The following FAP variants were observed in gnomAD, a reference collection of about 807,000 sequenced individuals.
FAP encodes fibroblast activation protein alpha, also known as prolyl endopeptidase FAP.
Under a neutral mutation model 126.5 loss-of-function variants are expected in FAP, and 110 were observed. The observed-to-expected ratio is 0.87, with a 90% CI of 0.74 to 1.02. The LOEUF (loss-of-function observed/expected upper bound fraction) is 1.02, where lower values mean the gene tolerates loss of function less well. Ranked by LOEUF, FAP falls within the 50% of genes least tolerant of loss-of-function variation. The pLI is 0.00. For synonymous variants in FAP, 334 were observed against 297.3 expected (o/e 1.12, Z -1.27); for missense variants, 919 against 909.2 (o/e 1.01, Z -0.14).
chr2:162,215,397 C>A (rs1226657000), intron 10 of FAP, among the ~76,000 whole-genome samples: 1 of 152,214 alleles, frequency 6.6e-6, no homozygotes, highest in South Asian at 2.1e-4. Flanking sequence ...GGGCATCATG[C>A]TGGGGAAGTG....
At chr2:162,184,612 A>G (rs912514331) in intron 20 of FAP, among the ~76,000 whole-genome samples, 8 of 152,222 alleles carry the variant, frequency 5.3e-5, no homozygotes, top group Non-Finnish European at 5.9e-5. Context: ...GACACTGAGG[A>G]GTCTACAGAG....
chr2:162,181,943 T>C (rs1687707346), intron 21 of FAP, among the ~76,000 whole-genome samples: 1 of 152,212 alleles, frequency 6.6e-6, no homozygotes, highest in East Asian at 1.9e-4. Flanking sequence ...AGATGTTATA[T>C]CACGTGGCAG....
intron 19 of FAP, 120 bp from the exon 20 acceptor site, chr2:162,188,483 G>A (rs377496923): frequency 1.8e-5 from 16 of 877,330 alleles, no homozygotes; most frequent in South Asian, 5.4e-5. Flanking sequence ...TAACAATGGC[G>A]TTAGAACTGG....
intron 8 of FAP, 79 bp downstream of exon 8, chr2:162,218,984 T>C: frequency 8.3e-7 from 1 of 1,205,910 alleles, no homozygotes; most frequent in South Asian, 1.7e-5. Flanking sequence ...ATACTACTCA[T>C]CTAAATCTTA....
intron 6 of FAP, among the ~76,000 whole-genome samples, chr2:162,221,377 A>G (rs1309702868): frequency 1.3e-5 from 2 of 151,962 alleles, no homozygotes; most frequent in African/African-American, 4.8e-5. Context: ...AGAAACACAA[A>G]AATTAGCAGT....
intron 14 of FAP, among the ~76,000 whole-genome samples, chr2:162,202,389 C>G (rs1688531338): frequency 6.6e-6 from 1 of 152,198 alleles, no homozygotes; most frequent in Non-Finnish European, 1.5e-5. Context: ...ATGAGTATCC[C>G]TTTTCTCATC....
chr2:162,216,507 C>A (rs1461435843), intron 9 of FAP, among the ~76,000 whole-genome samples: 1 of 152,118 alleles, frequency 6.6e-6, no homozygotes, highest in Non-Finnish European at 1.5e-5. Context: ...ATTATTACTG[C>A]CACCATCTCC....
intron 20 of FAP, among the ~76,000 whole-genome samples, chr2:162,183,853 TC>T (rs199953394): frequency 0.013 from 2,023 of 152,268 alleles, 15 homozygotes; most frequent in Admixed American, 0.021. Context: ...AGGATTTTGT[TC>T]TTGCTGCTTT....
At chr2:162,173,830 T>C (rs753718881) in intron 22 of FAP, 43 bp from the exon 23 acceptor site, 1 of 1,238,470 alleles carries the variant, frequency 8.1e-7, no homozygotes, top group Non-Finnish European at 1.2e-6. Context: ...ATGTGATGAA[T>C]GTCATTTCAT....
At chr2:162,178,247 C>T (rs568960417) in intron 21 of FAP, among the ~76,000 whole-genome samples, 70 of 152,250 alleles carry the variant, frequency 4.6e-4, no homozygotes, top group East Asian at 3.3e-3. Context: ...ATTAACAAAG[C>T]GAAGCCCAGA....
intron 2 of FAP, 120 bp from the exon 3 acceptor site, chr2:162,226,741 G>C (rs1689669760): frequency 3.5e-6 from 2 of 570,840 alleles, no homozygotes; most frequent in Non-Finnish European, 6.2e-6. Context: ...TTTGCTAAGT[G>C]GTTGTTGAAC....
intron 17 of FAP, among the ~76,000 whole-genome samples, chr2:162,191,569 T>C (rs1688044005): frequency 6.6e-6 from 1 of 152,160 alleles, no homozygotes; most frequent in South Asian, 2.1e-4. Flanking sequence ...ATGTAGTATC[T>C]GCTTCCACAT....
chr2:162,173,907 A>G (rs1687398475), intron 22 of FAP, 120 bp from the exon 23 acceptor site: 2 of 736,954 alleles, frequency 2.7e-6, no homozygotes, highest in Non-Finnish European at 4.8e-6. Flanking sequence ...CTTGAGGTAA[A>G]TTCTTGCTTT....
At chr2:162,209,679 A>G (rs1458634446) in intron 12 of FAP, 1 of 366,716 alleles carries the variant, frequency 2.7e-6, no homozygotes, top group African/African-American at 2.1e-5. Context: ...TTTGTTTAAA[A>G]AGTAATATTA....
chr2:162,221,803 A>C, intron 6 of FAP: 1 of 450,946 alleles, frequency 2.2e-6, no homozygotes, highest in South Asian at 1.6e-5. Flanking sequence ...ACCTAGCTTG[A>C]AACCAGTAGT....
intron 14 of FAP, among the ~76,000 whole-genome samples, chr2:162,202,646 G>A (rs2106247761): frequency 6.6e-6 from 1 of 152,168 alleles, no homozygotes; most frequent in South Asian, 2.1e-4. Context: ...TTATATAATT[G>A]CCTACCAAAT....
chr2:162,188,568 T>C (rs1411705157), intron 19 of FAP, among the ~76,000 whole-genome samples: 1 of 152,052 alleles, frequency 6.6e-6, no homozygotes, highest in Non-Finnish European at 1.5e-5. Flanking sequence ...CAGCCTCTCC[T>C]ATTCCCCAAA....
chr2:162,221,096 C>CA (rs1480218329), intron 6 of FAP, among the ~76,000 whole-genome samples: 2 of 152,152 alleles, frequency 1.3e-5, no homozygotes, highest in Admixed American at 6.5e-5. Context: ...AGCAAGGGAA[C>CA]ATGGCATAGT....
chr2:162,186,076 T>C (rs1159690011), intron 20 of FAP, among the ~76,000 whole-genome samples: 1 of 152,180 alleles, frequency 6.6e-6, no homozygotes. Flanking sequence ...AAAAGTTTGA[T>C]CTAACAACAA....
Sources: allele counts gnomAD v4.1 joint callset (sites outside exome capture counted in the v4.1 genomes callset), GRCh38; gene constraint gnomAD v4.1.1; transcripts MANE v1.5; gene names NCBI Gene and HGNC (gene_info 2026-07-23, HGNC 2026-07-21).